CCDC62: variants seen among roughly 807,000 people sequenced by gnomAD.
CCDC62 encodes coiled-coil domain-containing protein 62.
Under a neutral mutation model 80.8 loss-of-function variants are expected in CCDC62, and 72 were observed. The observed-to-expected ratio is 0.89, with a 90% CI of 0.74 to 1.08. The LOEUF (loss-of-function observed/expected upper bound fraction) is 1.08. Ranked by LOEUF, CCDC62 falls within the 50% of genes least tolerant of loss-of-function variation. The pLI is 0.00. For missense variants in CCDC62, 704 were observed against 809.4 expected, an observed-to-expected ratio of 0.87 and a Z score of 1.58; for synonymous variants, 286 against 296.5, an observed-to-expected ratio of 0.96 and a Z score of 0.36.
At chr12:122,774,768 A>T (rs1034476559) in intron 1 of CCDC62, 62 bp downstream of exon 1, 1 of 1,169,612 alleles carries the variant, frequency 8.5e-7, no homozygotes, top group Admixed American at 4.3e-5. Flanking sequence ...GTCGAAATCT[A>T]TTGCTTCTCA....
intron 12 of CCDC62, among the ~76,000 whole-genome samples, chr12:122,824,997 A>G (rs11060209): frequency 0.044 from 6,641 of 151,658 alleles, 257 homozygotes; most frequent in East Asian, 0.23. Context: ...GAGGCAAGAG[A>G]ATCGCTTGAA....
chr12:122,777,425 AT>A, intron 1 of CCDC62, 65 bp from the exon 2 acceptor site: 2 of 1,399,402 alleles, frequency 1.4e-6, no homozygotes, highest in East Asian at 4.6e-5. Context: ...TATTTGGAAA[AT>A]GGACTTTGGC....
intron 6 of CCDC62, among the ~76,000 whole-genome samples, chr12:122,793,326 T>A (rs2030743603): frequency 6.6e-6 from 1 of 152,112 alleles, no homozygotes; most frequent in Non-Finnish European, 1.5e-5. Context: ...TTCGGAACTT[T>A]ACCTCTAAAT....
chr12:122,813,515 TAG>T, intron 11 of CCDC62, 96 bp downstream of exon 11: 1 of 1,164,448 alleles, frequency 8.6e-7, no homozygotes, highest in East Asian at 2.6e-5. Context: ...GCCTTTCTGT[TAG>T]AGGGAGAGTT....
intron 9 of CCDC62, 35 bp from the exon 10 acceptor site, chr12:122,806,114 TAA>T (rs1166907296): frequency 6.3e-7 from 1 of 1,586,230 alleles, no homozygotes. Flanking sequence ...GATATTGTTT[TAA>T]GATATTTGTT....
chr12:122,818,663 C>T (rs1028932417), intron 11 of CCDC62, among the ~76,000 whole-genome samples: 5 of 150,512 alleles, frequency 3.3e-5, no homozygotes, highest in African/African-American at 1.2e-4. Context: ...TGACTCACAC[C>T]TGTAATCCTA....
At chr12:122,787,612 A>C (rs1252248665) in intron 4 of CCDC62, among the ~76,000 whole-genome samples, 1 of 152,070 alleles carries the variant, frequency 6.6e-6, no homozygotes, top group East Asian at 1.9e-4. Flanking sequence ...TTAGCTGGGC[A>C]TGATGGCACA....
chr12:122,810,258 G>A (rs1013790781), intron 10 of CCDC62, among the ~76,000 whole-genome samples: 2 of 152,048 alleles, frequency 1.3e-5, no homozygotes, highest in Non-Finnish European at 2.9e-5. Context: ...GAAAATTTTT[G>A]CAATCTATTC....
intron 11 of CCDC62, among the ~76,000 whole-genome samples, chr12:122,814,504 ATTTTT>A (rs71440218): frequency 8.0e-6 from 1 of 125,128 alleles, no homozygotes. Context: ...TGGACTTTTA[ATTTTT>A]TTTTTTTTTT....
chr12:122,800,163 AC>A (rs1719990798), intron 8 of CCDC62, among the ~76,000 whole-genome samples: 2 of 123,088 alleles, frequency 1.6e-5, no homozygotes, highest in African/African-American at 3.3e-5. Flanking sequence ...ATGCCCGGCT[AC>A]TTTTTTTTTT....
rs748464736 is a variant in CCDC62, at chr12:122,798,129, T to A, written c.906T>A (p.Asn302Lys). The stretch of plus-strand genomic sequence containing the variant: ...GTGATCTGCAGTTTCTTAATTTCAA[T>A]GTGGAAAATTCTCAGGAATTAATAC... ...QQSDLQFLNF[N>K]VENSQELIQM... is the part of the protein sequence containing the mutation. The change falls in exon 8 of 13, where the codon AAT (asparagine) becomes AAA (lysine). Residue 302 changes from asparagine to lysine, a missense_variant. Physicochemically the swap from Asn to Lys is moderately conservative, Grantham distance 94. Transcript: ENST00000253079. 9 of 1,592,998 alleles carry A rather than the reference T, an allele frequency of 5.6e-6. No homozygotes were observed. In the Middle Eastern group the frequency reaches 5.0e-4, roughly 88 times the overall value.
chr12:122,821,138 C>A (rs2032389313), intron 11 of CCDC62, among the ~76,000 whole-genome samples: 2 of 152,148 alleles, frequency 1.3e-5, no homozygotes, highest in South Asian at 4.1e-4. Flanking sequence ...CACCCAGACA[C>A]CTAAGAAGGC....
At chr12:122,800,551 C>G (rs1354760189) in intron 8 of CCDC62, among the ~76,000 whole-genome samples, 2 of 151,080 alleles carry the variant, frequency 1.3e-5, no homozygotes, top group Non-Finnish European at 3.0e-5. Context: ...CCTCAGCCTC[C>G]CAAGTAGCTG....
At chr12:122,807,529 C>CAA (rs35131700) in intron 10 of CCDC62, among the ~76,000 whole-genome samples, 6,717 of 103,956 alleles carry the variant, frequency 0.065, 448 homozygotes, top group East Asian at 0.22. Context: ...GACTCTGTCT[C>CAA]AAAAAAAAAA....
At chr12:122,782,943 C>T (rs1276314665) in intron 3 of CCDC62, among the ~76,000 whole-genome samples, 1 of 151,276 alleles carries the variant, frequency 6.6e-6, no homozygotes, top group South Asian at 2.1e-4. Context: ...CCCGTCTCTA[C>T]TAAAAATTCA....
At chr12:122,805,783 T>A (rs1360945969) in intron 9 of CCDC62, among the ~76,000 whole-genome samples, 1 of 152,024 alleles carries the variant, frequency 6.6e-6, no homozygotes, top group East Asian at 1.9e-4. Context: ...GTGCTGGGAT[T>A]ACAGGTGTGA....
intron 10 of CCDC62, 75 bp downstream of exon 10, chr12:122,806,370 C>A: frequency 8.1e-7 from 1 of 1,234,018 alleles, no homozygotes; most frequent in Non-Finnish European, 1.1e-6. Context: ...TCTCTAGCAA[C>A]CACTGTTAGC....
At chr12:122,812,799 G>GAA (rs1180528440) in intron 10 of CCDC62, among the ~76,000 whole-genome samples, 6 of 146,900 alleles carry the variant, frequency 4.1e-5, no homozygotes, top group African/African-American at 1.3e-4. Flanking sequence ...AAGAAAGAAA[G>GAA]AAAGAAAGAA....
chr12:122,808,928 C>A (rs2031742084), intron 10 of CCDC62, among the ~76,000 whole-genome samples: 1 of 152,182 alleles, frequency 6.6e-6, no homozygotes, highest in African/African-American at 2.4e-5. Context: ...TTGCAATGGT[C>A]AATTTTTAAA....
Sources: gnomAD v4.1 joint callset for allele counts (sites outside exome capture counted in the v4.1 genomes callset) on GRCh38, gnomAD v4.1.1 for gene constraint, MANE v1.5 for transcripts, NCBI Gene and HGNC (gene_info 2026-07-23, HGNC 2026-07-21) for gene names.